MSANTD3: variants seen among roughly 807,000 people sequenced by gnomAD.
The protein encoded by MSANTD3 is myb/SANT-like DNA-binding domain-containing protein 3.
In MSANTD3, 11 loss-of-function variants were observed where a neutral mutation model predicts 27.7. That is an observed-to-expected ratio of 0.40 (90% CI 0.25 to 0.66). The LOEUF (loss-of-function observed/expected upper bound fraction) is 0.66, where lower values mean the gene tolerates loss of function less well. Among genes scored for constraint, MSANTD3 ranks in the 30% least tolerant of loss-of-function variants. MSANTD3 has a pLI of 0.41. For missense variants in MSANTD3, 250 were observed against 336.5 expected (o/e 0.74, Z 2.01); for synonymous variants, 131 against 127.2 (o/e 1.03, Z -0.20).
At chr9:100,442,688 A>G (rs1262581159) in intron 2 of MSANTD3, among the ~76,000 whole-genome samples, 26 of 151,794 alleles carry the variant, frequency 1.7e-4, no homozygotes, top group Non-Finnish European at 3.7e-4. Flanking sequence ...ATGCACCTGT[A>G]GTTCCAGCTA....
chr9:100,440,931 C>CTTTTT (rs754540059), intron 1 of MSANTD3, among the ~76,000 whole-genome samples: 5 of 98,354 alleles, frequency 5.1e-5, no homozygotes, highest in Admixed American at 1.1e-4. Context: ...GGCTGTACAT[C>CTTTTT]TTTTTTTTTT....
rs560608289 is a variant in MSANTD3 at position 100,436,180 on chromosome 9, C to T, written c.-33-5726C>T. Among the ~76,000 whole-genome samples, 12 of 152,148 alleles carry T rather than the reference C, an allele frequency of 7.9e-5. No homozygotes were observed. In the South Asian group the frequency reaches 2.5e-3, roughly 32 times the overall value. ...AGAGATGGGGTCTCACTGTGTTGTC[C>T]AGGCTGAAGTGGGGTGACTGTTCAC... On this transcript the variant is annotated intron_variant, in intron 1 of 2. Coordinates refer to ENST00000395067, the MANE Select transcript of MSANTD3 (RefSeq NM_080655.3).
At chr9:100,430,270 G>A (rs57241635) in intron 1 of MSANTD3, among the ~76,000 whole-genome samples, 22,207 of 150,876 alleles carry the variant, frequency 0.15, 1,850 homozygotes, top group Middle Eastern at 0.21. Context: ...AAAATGGGCC[G>A]GGCGCGGTGG....
chr9:100,437,870 A>G (rs952830850), intron 1 of MSANTD3, among the ~76,000 whole-genome samples: 24 of 152,292 alleles, frequency 1.6e-4, no homozygotes, highest in African/African-American at 5.5e-4. Flanking sequence ...CTCAGAGGCT[A>G]TTTTTGGGAG....
Position 100,436,804 on chromosome 9 carries a change from T to C in MSANTD3, c.-33-5102T>C, listed in dbSNP as rs376039679. 2.0e-5 allele frequency among the ~76,000 whole-genome samples: 3 copies of C among 152,168 alleles called. No individual in the cohort carries two copies. The South Asian group carries it at 6.2e-4, about 32-fold the overall frequency. On this transcript the variant is annotated intron_variant, in intron 1 of 2. Transcript: ENST00000395067. ...TCCAAAAGATCTCCACAGTTACCTT[T>C]CAAACATACAGTCTTTTTGAGACAG...
chr9:100,450,739 C>T lies in MSANTD3; in HGVS notation c.601C>T (p.His201Tyr), dbSNP rs1836865853. 1 of 1,614,054 alleles carries T rather than the reference C, an allele frequency of 6.2e-7. No homozygotes were observed. Among genetic ancestry groups the T allele is most frequent in the East Asian group, 2.2e-5 (1 of 44,884 alleles). ...GALKKMHEEE[H>Y]HQQMSILQLQ... The stretch of plus-strand genomic sequence containing the variant: ...TTTAAAAAAGATGCATGAGGAAGAA[C>T]ACCATCAACAAATGTCCATCTTACA... The change falls in exon 3 of 3, where the codon CAC (histidine) becomes TAC (tyrosine). Residue 201 changes from histidine to tyrosine, a missense_variant. By Grantham distance (83) the His-to-Tyr change is moderately conservative. This residue lies in a region of MSANTD3 where 235 missense variants were observed against 299.3 expected (regional missense o/e 0.79). Transcript: ENST00000395067.
At chr9:100,442,447 A>G in intron 2 of MSANTD3, 91 bp downstream of exon 2, 1 of 1,494,322 alleles carries the variant, frequency 6.7e-7, no homozygotes, top group Non-Finnish European at 8.8e-7. Context: ...GGAACTTCTA[A>G]AAATGAAACT....
chr9:100,427,520 C>G (rs1380023569), intron 1 of MSANTD3, 127 bp downstream of exon 1: 1 of 151,356 alleles, frequency 6.6e-6, no homozygotes, highest in South Asian at 2.1e-4. Flanking sequence ...CGACCCCGGC[C>G]TTGCAGGCTG....
At chr9:100,436,913 T>C (rs1023081722) in intron 1 of MSANTD3, among the ~76,000 whole-genome samples, 1 of 152,100 alleles carries the variant, frequency 6.6e-6, no homozygotes, top group Admixed American at 6.5e-5. Flanking sequence ...CAAATGATTC[T>C]CCTGCCTCAG....
In MSANTD3 at chr9:100,450,692, G is replaced by A. The variant is rs1836864552; in HGVS notation, c.554G>A (p.Ser185Asn). The A allele has an allele frequency of 6.2e-7, 1 of 1,614,012 alleles. No individual in the cohort carries two copies. Residue 185 changes from serine (S) to asparagine (N), a missense_variant, in exon 3 of 3, where the codon AGC becomes AAC. Ser to Asn is a conservative substitution (Grantham distance 46, BLOSUM62 1). This residue lies in a region of MSANTD3 where 235 missense variants were observed against 299.3 expected (regional missense o/e 0.79). Transcript: ENST00000395067. ...VRITANKNYR[S>N]KTSQEGALKK... ...ATAACAGCCAATAAAAACTACAGGA[G>A]CAAAACCTCTCAGGAAGGTGCTTTA...
intron 2 of MSANTD3, among the ~76,000 whole-genome samples, chr9:100,450,062 G>C (rs1401008921): frequency 6.6e-6 from 1 of 152,112 alleles, no homozygotes; most frequent in Non-Finnish European, 1.5e-5. Context: ...GGCTCTCCAG[G>C]GTAAGGGCTA....
At position 100,442,211 on chromosome 9, in the gene MSANTD3, GAA is replaced by G. The variant is rs1226858208; in HGVS notation, c.275_276del (p.Lys92SerfsTer55). 2 of 1,602,818 alleles carry G rather than the reference GAA, an allele frequency of 1.2e-6. No homozygotes were observed. The highest frequency in any genetic ancestry group is 1.7e-5 in the Admixed American group (1 of 59,868). ...AAATTATGGCCCATGAAAGGAGAGAGAAAGTGAAACGGAGCGTCAGCCCTCTC... is the reference window on the plus strand; with the variant it reads ...AAATTATGGCCCATGAAAGGAGAGAGAGTGAAACGGAGCGTCAGCCCTCTC... The part of the protein sequence containing the change: ...KKIMAHERRE[K>X]VKRSVSPLLS... On this transcript the variant is annotated frameshift_variant, in exon 2 of 3. Coordinates refer to ENST00000395067, the MANE Select transcript of MSANTD3 (RefSeq NM_080655.3). LOFTEE classifies it high-confidence loss of function.
chr9:100,437,057 G>A (rs1214692029), intron 1 of MSANTD3, among the ~76,000 whole-genome samples: 1 of 152,086 alleles, frequency 6.6e-6, no homozygotes, highest in Non-Finnish European at 1.5e-5. Context: ...CACCTGCCTC[G>A]GCCTCCCAAA....
rs756990497 is a variant in MSANTD3 at position 100,450,703 on chromosome 9, C to G, written c.565C>G (p.Gln189Glu). ...TAAAAACTACAGGAGCAAAACCTCT[C>G]AGGAAGGTGCTTTAAAAAAGATGCA... ...ANKNYRSKTS[Q>E]EGALKKMHEE... is the part of the protein sequence containing the mutation. Residue 189 changes from glutamine to glutamate, a missense_variant, in exon 3 of 3, where the codon CAG becomes GAG. Coordinates refer to ENST00000395067, the MANE Select transcript of MSANTD3 (RefSeq NM_080655.3). 8 of 1,614,084 alleles carry G rather than the reference C, an allele frequency of 5.0e-6. No individual in the cohort carries two copies. Among genetic ancestry groups the G allele is most frequent in the Non-Finnish European group, 5.9e-6 (7 of 1,180,016 alleles).
intron 2 of MSANTD3, chr9:100,445,020 C>A: frequency 1.7e-6 from 1 of 595,848 alleles, no homozygotes. Context: ...GTGTCCAGGT[C>A]CCATCTGGAG....
intron 1 of MSANTD3, among the ~76,000 whole-genome samples, chr9:100,430,581 T>C (rs1836351928): frequency 6.6e-6 from 1 of 152,122 alleles, no homozygotes; most frequent in African/African-American, 2.4e-5. Flanking sequence ...TGTGGCTTGA[T>C]CACTGTGTTT....
chr9:100,440,311 G>A (rs1273373315), intron 1 of MSANTD3, among the ~76,000 whole-genome samples: 16 of 152,136 alleles, frequency 1.1e-4, no homozygotes, highest in Admixed American at 1.0e-3. Context: ...GACTTTCTAT[G>A]TCACCATCTT....
At chr9:100,447,418 G>C (rs1041268444) in intron 2 of MSANTD3, among the ~76,000 whole-genome samples, 8 of 152,154 alleles carry the variant, frequency 5.3e-5, no homozygotes, top group African/African-American at 1.9e-4. Context: ...AAACTAAAAA[G>C]AGTAGTTTTA....
At position 100,442,119 on chromosome 9, in the gene MSANTD3, A is replaced by C. The variant is rs1836639912; in HGVS notation, c.181A>C (p.Ser61Arg). ...ALAHEYNSQPSVSLRDFKQLK... is the reference protein window; with the variant it reads ...ALAHEYNSQPRVSLRDFKQLK... ...GGCCCACGAATACAACTCTCAGCCC[A>C]GCGTGTCCCTGCGGGATTTCAAACA... Residue 61 changes from serine to arginine, a missense_variant, in exon 2 of 3, where the codon AGC (serine) becomes CGC (arginine). Coordinates refer to ENST00000395067, the MANE Select transcript of MSANTD3 (RefSeq NM_080655.3). The C allele has an allele frequency of 6.2e-7, 1 of 1,614,078 alleles. No individual in the cohort carries two copies. The highest frequency in any genetic ancestry group is 1.3e-5 in the African/African-American group (1 of 74,938).
Sources: allele counts gnomAD v4.1 joint callset (sites outside exome capture counted in the v4.1 genomes callset), GRCh38; gene constraint gnomAD v4.1.1; regional missense constraint gnomAD v4.1.1; transcripts MANE v1.5; gene names NCBI Gene and HGNC (gene_info 2026-07-23, HGNC 2026-07-21).